Variants in PLCG2 observed in about 807,000 individuals in gnomAD.
PLCG2 encodes phospholipase C gamma 2.
In PLCG2, 69 loss-of-function variants were observed where a neutral mutation model predicts 175.6. The ratio of observed to expected loss-of-function variants is 0.39; its 90% confidence interval spans 0.32 to 0.48. The LOEUF (loss-of-function observed/expected upper bound fraction) is 0.48. Among genes scored for constraint, PLCG2 ranks in the 20% least tolerant of loss-of-function variants. The probability of loss-of-function intolerance (pLI) is 0.91; values close to 1 mark genes in which losing one functional copy is unlikely to be tolerated. For missense variants in PLCG2, 1,798 were observed against 1,650.9 expected (o/e 1.09, Z -1.54); for synonymous variants, 827 against 624.0 (o/e 1.33, Z -4.85).
intron 2 of PLCG2, among the ~76,000 whole-genome samples, chr16:81,760,748 TA>T (rs1224811220): frequency 8.0e-5 from 7 of 87,886 alleles, no homozygotes; most frequent in African/African-American, 2.5e-4. Flanking sequence ...CCGTCTCTAT[TA>T]AAAAAAAAAA....
intron 9 of PLCG2, among the ~76,000 whole-genome samples, chr16:81,888,622 C>T (rs1908487491): frequency 1.3e-5 from 2 of 152,098 alleles, no homozygotes; most frequent in Admixed American, 6.6e-5. Context: ...ACTCTTATTC[C>T]CACTTCATGG....
intron 2 of PLCG2, among the ~76,000 whole-genome samples, chr16:81,765,965 G>C (rs1042845478): frequency 1.3e-5 from 2 of 152,230 alleles, no homozygotes; most frequent in African/African-American, 2.4e-5. Context: ...GCAGGCATTT[G>C]CTGTGAGTCA....
intron 2 of PLCG2, among the ~76,000 whole-genome samples, chr16:81,846,018 G>T (rs1189373131): frequency 6.6e-6 from 1 of 152,198 alleles, no homozygotes; most frequent in Non-Finnish European, 1.5e-5. Flanking sequence ...TAGTGTTCTT[G>T]TGAGGAACGA....
chr16:81,922,112 G>A (rs779334248), intron 21 of PLCG2, among the ~76,000 whole-genome samples: 11 of 152,156 alleles, frequency 7.2e-5, no homozygotes, highest in Non-Finnish European at 1.0e-4. Flanking sequence ...AGCAGGATAC[G>A]CAAGTAGAGG....
At chr16:81,909,860 T>C (rs1339350600) in intron 17 of PLCG2, among the ~76,000 whole-genome samples, 1 of 152,224 alleles carries the variant, frequency 6.6e-6, no homozygotes, top group Admixed American at 6.5e-5. Context: ...TTATCATTCC[T>C]GTCAGACCGC....
At chr16:81,740,651 G>A (rs1041066012) in intron 1 of PLCG2, 4 of 141,406 alleles carry the variant, frequency 2.8e-5, no homozygotes, top group Non-Finnish European at 6.1e-5. Context: ...GGAGAACTTG[G>A]GAGGCATAGG....
chr16:81,822,681 C>G (rs182422956), intron 2 of PLCG2, among the ~76,000 whole-genome samples: 105 of 131,364 alleles, frequency 8.0e-4, no homozygotes, highest in African/African-American at 2.8e-3. Context: ...CGCTTGAACC[C>G]GGGAGGTGAA....
In PLCG2 at chr16:81,938,928, C is replaced by T. The variant is rs372730927; in HGVS notation, c.3313+13C>T. 12 of 1,484,572 alleles carry T rather than the reference C, an allele frequency of 8.1e-6. No homozygotes were observed. The highest frequency in any genetic ancestry group is 2.8e-5 in the African/African-American group (2 of 72,458). The allele number at this position is 1,484,572 out of a possible 1,614,324, so 92.0% of individuals were successfully genotyped here. On this transcript the variant is annotated intron_variant, in intron 29 of 32. Coordinates refer to ENST00000564138, the MANE Select transcript of PLCG2 (RefSeq NM_002661.5). ...ACGACGGTTGTGAGTAAGTCAGTCA[C>T]CTTGGCCCCTCTGCTTTTAAACGTC... is the stretch of plus-strand genomic sequence containing the variant.
intron 2 of PLCG2, among the ~76,000 whole-genome samples, chr16:81,819,302 G>T (rs945509444): frequency 9.2e-5 from 14 of 152,160 alleles, no homozygotes; most frequent in African/African-American, 3.4e-4. Context: ...GGATTCCCAG[G>T]TGTGGAGTGA....
intron 7 of PLCG2, among the ~76,000 whole-genome samples, chr16:81,875,296 C>T (rs760571537): frequency 1.1e-4 from 16 of 151,936 alleles, no homozygotes; most frequent in Non-Finnish European, 2.2e-4. Flanking sequence ...TTTAATTCCC[C>T]CCTAGAGGCC....
chr16:81,866,020 A>G (rs1174914497), intron 5 of PLCG2, among the ~76,000 whole-genome samples: 1 of 116,088 alleles, frequency 8.6e-6, no homozygotes, highest in African/African-American at 3.4e-5. Context: ...TTCTCCCAGG[A>G]TGGGCTCCAC....
chr16:81,871,114 C>T (rs568888799), intron 7 of PLCG2, among the ~76,000 whole-genome samples, 179 bp downstream of exon 7: 1 of 152,140 alleles, frequency 6.6e-6, no homozygotes, highest in Non-Finnish European at 1.5e-5. Context: ...AATTCTTTAA[C>T]CATGACAGAG....
chr16:81,787,029 T>C (rs1911001070), intron 2 of PLCG2, among the ~76,000 whole-genome samples: 1 of 152,226 alleles, frequency 6.6e-6, no homozygotes, highest in Admixed American at 6.5e-5. Context: ...CCTTGACTTC[T>C]TTTTGTTAAT....
At chr16:81,902,531 CTT>C (rs1342302552) in intron 14 of PLCG2, among the ~76,000 whole-genome samples, 1 of 152,062 alleles carries the variant, frequency 6.6e-6, no homozygotes, top group Non-Finnish European at 1.5e-5. Flanking sequence ...ATGGAGATAT[CTT>C]TGGCCTCTTT....
intron 2 of PLCG2, among the ~76,000 whole-genome samples, chr16:81,773,167 G>C (rs920042618): frequency 2.0e-5 from 3 of 151,928 alleles, no homozygotes; most frequent in East Asian, 1.9e-4. Flanking sequence ...TGCTGGGTGT[G>C]GGGGGGCGTT....
At chr16:81,841,948 GTGGTA>G (rs1302143489) in intron 2 of PLCG2, among the ~76,000 whole-genome samples, 1 of 152,248 alleles carries the variant, frequency 6.6e-6, no homozygotes, top group East Asian at 1.9e-4. Context: ...GTGTTGCAAG[GTGGTA>G]CAGAAAACCA....
At chr16:81,863,975 G>T (rs1597361245) in intron 5 of PLCG2, among the ~76,000 whole-genome samples, 1 of 152,284 alleles carries the variant, frequency 6.6e-6, no homozygotes, top group East Asian at 1.9e-4. Flanking sequence ...GGAAGCTTTG[G>T]CAGAGCCACG....
intron 9 of PLCG2, among the ~76,000 whole-genome samples, chr16:81,888,394 A>T (rs370826997): frequency 1.2e-3 from 162 of 137,500 alleles, no homozygotes; most frequent in Middle Eastern, 3.9e-3. Flanking sequence ...GAAAAAAAAA[A>T]TGTTTGTATT....
intron 5 of PLCG2, among the ~76,000 whole-genome samples, chr16:81,866,714 T>TG (rs200842061): frequency 9.6e-6 from 1 of 104,544 alleles, no homozygotes; most frequent in Non-Finnish European, 2.1e-5. Flanking sequence ...TGGGCTCCAC[T>TG]GGGCACCAGC....
Sources: allele counts gnomAD v4.1 joint callset (sites outside exome capture counted in the v4.1 genomes callset), GRCh38; gene constraint gnomAD v4.1.1; transcripts MANE v1.5; gene names NCBI Gene and HGNC (gene_info 2026-07-23, HGNC 2026-07-21).